GK: variants seen among roughly 807,000 people sequenced by gnomAD.
GK encodes ATP:glycerol 3-phosphotransferase.
GK carries 9 observed loss-of-function variants against 56.4 expected under a neutral mutation model. The ratio of observed to expected loss-of-function variants is 0.16; its 90% confidence interval spans 0.10 to 0.28. The LOEUF is 0.28. Ranked by LOEUF, GK falls within the 10% of genes least tolerant of loss-of-function variation. GK has a pLI of 1.00. For synonymous variants in GK, 104 were observed against 144.1 expected (o/e 0.72, Z 1.99); for missense variants, 161 against 431.4 (o/e 0.37, Z 5.55).
At chrX:30,720,585 T>C (rs1291509231) in intron 16 of GK, 36 bp from the exon 17 acceptor site, 1 of 1,167,577 alleles carries the variant, frequency 8.6e-7, no homozygotes, top group African/African-American at 1.8e-5. Context: ...TACTATGAAA[T>C]AGATTTATAA....
chrX:30,698,866 C>CAAA (rs386416832), intron 9 of GK, among the ~76,000 whole-genome samples: 1,461 of 43,172 alleles, frequency 0.034, 88 homozygotes, highest in African/African-American at 0.082. Context: ...AACTCCATCT[C>CAAA]AAAAAAAAAA....
chrX:30,691,399 C>G (rs1934920082), intron 5 of GK, among the ~76,000 whole-genome samples, 200 bp downstream of exon 5: 1 of 107,896 alleles, frequency 9.3e-6, no homozygotes, highest in African/African-American at 3.4e-5. Context: ...ACAATAATAA[C>G]ACAAAATTGA....
At chrX:30,680,734 A>G (rs1020248835) in intron 4 of GK, among the ~76,000 whole-genome samples, 3 of 112,031 alleles carry the variant, frequency 2.7e-5, no homozygotes, top group African/African-American at 9.7e-5. Context: ...TGAAAGGAGT[A>G]TCTGACAGGC....
At chrX:30,680,716 G>A (rs1010235816) in intron 4 of GK, among the ~76,000 whole-genome samples, 1 of 111,905 alleles carries the variant, frequency 8.9e-6, no homozygotes, top group Non-Finnish European at 1.9e-5. Context: ...GGAGATATCG[G>A]TAGGTTCTGA....
intron 8 of GK, among the ~76,000 whole-genome samples, chrX:30,697,385 T>G (rs139592220): frequency 0.014 from 1,619 of 111,959 alleles, 26 homozygotes; most frequent in African/African-American, 0.048. Context: ...AGACATTTCA[T>G]GAAAGATATG....
chrX:30,696,648 A>G lies in GK; in HGVS notation c.694A>G (p.Asn232Asp). Residue 232 changes from asparagine (N) to aspartate (D), a missense_variant, in exon 8 of 21, where the codon AAT (asparagine) becomes GAT (aspartate). By Grantham distance (23) the Asn-to-Asp change is conservative (BLOSUM62 1). Transcript: ENST00000427190. ...TGGAATTCCAATGGAAATTCTTCCA[A>G]ATGTCCGGAGTTCTTCTGAGATCTA... is the stretch of plus-strand genomic sequence containing the variant. ...FFGIPMEILP[N>D]VRSSSEIYGL... 8.3e-7 allele frequency: 1 copy of G among 1,204,255 alleles called. No homozygotes were observed. The highest frequency in any genetic ancestry group is 1.1e-6 in the Non-Finnish European group (1 of 889,862).
chrX:30,656,146 G>A (rs1601860026), intron 1 of GK, among the ~76,000 whole-genome samples: 1 of 111,715 alleles, frequency 9.0e-6, no homozygotes, highest in Admixed American at 9.6e-5. Context: ...GAGAGAGATT[G>A]CTAAACCACT....
chrX:30,687,593 T>C (rs1386587445), intron 4 of GK: 1 of 340,258 alleles, frequency 2.9e-6, no homozygotes, highest in Non-Finnish European at 5.9e-6. Context: ...GGCTCTTCAG[T>C]TCCAGCTCCT....
At chrX:30,682,555 T>C (rs1934338942) in intron 4 of GK, among the ~76,000 whole-genome samples, 1 of 112,366 alleles carries the variant, frequency 8.9e-6, no homozygotes, top group Non-Finnish European at 1.9e-5. Flanking sequence ...CATATCTCCA[T>C]GTAGGTCTTC....
At chrX:30,674,588 C>T (rs774662678) in intron 3 of GK, 3 of 192,280 alleles carry the variant, frequency 1.6e-5, no homozygotes, top group Non-Finnish European at 3.0e-5. Context: ...TTTTGTCTTA[C>T]CCAGAATCTC....
intron 13 of GK, among the ~76,000 whole-genome samples, chrX:30,714,467 T>C (rs969393997): frequency 9.0e-6 from 1 of 111,596 alleles, no homozygotes; most frequent in East Asian, 2.8e-4. Flanking sequence ...AGGACTTCAG[T>C]TTCTTGCTAC....
At chrX:30,698,744 T>G (rs1935381868) in intron 9 of GK, among the ~76,000 whole-genome samples, 1 of 105,292 alleles carries the variant, frequency 9.5e-6, no homozygotes, top group African/African-American at 3.5e-5. Context: ...CACATGCCTG[T>G]ATTCCCAGCT....
At chrX:30,663,440 A>G (rs1259643136) in intron 1 of GK, among the ~76,000 whole-genome samples, 1 of 111,698 alleles carries the variant, frequency 9.0e-6, no homozygotes, top group African/African-American at 3.3e-5. Flanking sequence ...AGTGAATAAA[A>G]CAGGGCAAAT....
At position 30,653,852 on chromosome X, in the gene GK, C is replaced by T. The variant is rs1279704595; in HGVS notation, c.78+237C>T. On this transcript the variant is annotated intron_variant, in intron 1 of 20. Transcript: ENST00000427190. ...AACAGTCGCAGTTTTGGTGGCGGAG[C>T]TGGGTCACCTACTAATGGGGTGACT... is the stretch of plus-strand genomic sequence containing the variant. Among the ~76,000 whole-genome samples, 25 of 112,610 alleles carry T rather than the reference C, an allele frequency of 2.2e-4. 1 individual carries two copies. The highest frequency in any genetic ancestry group is 3.2e-5 in the African/African-American group (1 of 31,033).
intron 3 of GK, chrX:30,671,706 ACT>A (rs1933517109): frequency 9.0e-6 from 1 of 111,596 alleles, no homozygotes; most frequent in Non-Finnish European, 1.9e-5. Context: ...ATTAAAATTC[ACT>A]CTCCAACTGA....
intron 1 of GK, among the ~76,000 whole-genome samples, chrX:30,664,798 G>A (rs1372069262): frequency 1.9e-5 from 2 of 103,531 alleles, no homozygotes; most frequent in Admixed American, 2.1e-4. Flanking sequence ...CTCCTGGGTG[G>A]GTTCAAGGGA....
chrX:30,673,075 G>A (rs1238864622), intron 3 of GK, among the ~76,000 whole-genome samples: 1 of 111,861 alleles, frequency 8.9e-6, no homozygotes, highest in Non-Finnish European at 1.9e-5. Flanking sequence ...TTTCTTAACT[G>A]TGATTATAAC....
At chrX:30,654,592 G>A (rs1220644448) in intron 1 of GK, among the ~76,000 whole-genome samples, 2 of 110,297 alleles carry the variant, frequency 1.8e-5, no homozygotes, top group Non-Finnish European at 3.8e-5. Context: ...GCGTGGTGGC[G>A]GGCGCCTGTA....
intron 10 of GK, 111 bp downstream of exon 10, chrX:30,700,560 G>T: frequency 1.5e-6 from 1 of 668,545 alleles, no homozygotes; most frequent in Non-Finnish European, 2.4e-6. Flanking sequence ...ACAAGTAAAA[G>T]TTGCAAAATT....
Sources: gnomAD v4.1 joint callset for allele counts (sites outside exome capture counted in the v4.1 genomes callset) on GRCh38, gnomAD v4.1.1 for gene constraint, MANE v1.5 for transcripts, NCBI Gene and HGNC (gene_info 2026-07-23, HGNC 2026-07-21) for gene names.